SNAPC3: variants seen among roughly 807,000 people sequenced by gnomAD.
SNAPC3 encodes snRNA-activating protein complex subunit 3.
Under a neutral mutation model 47.7 loss-of-function variants are expected in SNAPC3, and 56 were observed. That is an observed-to-expected ratio of 1.18 (90% CI 0.95 to 1.47). SNAPC3 has a LOEUF of 1.47. SNAPC3 is among the 40% of genes most tolerant of loss of function. The pLI, the probability that SNAPC3 is intolerant of heterozygous loss-of-function variation, is 0.00. For synonymous variants in SNAPC3, 235 were observed against 189.9 expected (o/e 1.24, Z -1.95); for missense variants, 665 against 511.3 (o/e 1.30, Z -2.90).
chr9:15,459,312 G>A (rs895510854), intron 8 of SNAPC3, among the ~76,000 whole-genome samples: 1 of 152,102 alleles, frequency 6.6e-6, no homozygotes, highest in South Asian at 2.1e-4. Flanking sequence ...CAGTTAAGAA[G>A]GTATATTAAG....
intron 2 of SNAPC3, among the ~76,000 whole-genome samples, chr9:15,429,151 A>G (rs1442268970): frequency 6.6e-6 from 1 of 152,210 alleles, no homozygotes; most frequent in Non-Finnish European, 1.5e-5. Flanking sequence ...AAAGCATCAC[A>G]TGTTGAAAAA....
downstream of SNAPC3, chr9:15,465,705 A>G (rs551983519): frequency 4.3e-4 from 307 of 720,858 alleles, 3 homozygotes; most frequent in South Asian, 6.4e-3. Flanking sequence ...AACAAAAGAA[A>G]AACTTGACTT....
chr9:15,429,894 A>G (rs1372556508), intron 2 of SNAPC3, among the ~76,000 whole-genome samples: 1 of 152,204 alleles, frequency 6.6e-6, no homozygotes, highest in Non-Finnish European at 1.5e-5. Context: ...ATAAAGGGTT[A>G]GACCAAAGTA....
downstream of SNAPC3, chr9:15,465,376 T>C (rs2035546498): frequency 2.9e-6 from 2 of 686,122 alleles, no homozygotes; most frequent in Non-Finnish European, 4.9e-6. Flanking sequence ...TTTACTTTAC[T>C]TTAAAACAAA....
At chr9:15,428,004 G>C (rs1048136993) in intron 2 of SNAPC3, among the ~76,000 whole-genome samples, 1 of 151,580 alleles carries the variant, frequency 6.6e-6, no homozygotes. Flanking sequence ...CCAGCTACTC[G>C]GGAGGCTGAG....
At chr9:15,440,274 C>G (rs1369619508) in intron 3 of SNAPC3, among the ~76,000 whole-genome samples, 1 of 152,158 alleles carries the variant, frequency 6.6e-6, no homozygotes, top group Admixed American at 6.5e-5. Context: ...TAGCAGTATT[C>G]TTTATTTCTT....
chr9:15,435,135 T>A (rs778547006), intron 3 of SNAPC3, among the ~76,000 whole-genome samples: 3 of 152,196 alleles, frequency 2.0e-5, no homozygotes, highest in Non-Finnish European at 2.9e-5. Context: ...TATCTCATTG[T>A]GGTTTCGATT....
intron 2 of SNAPC3, among the ~76,000 whole-genome samples, chr9:15,431,036 C>G (rs1175316847): frequency 6.6e-6 from 1 of 152,174 alleles, no homozygotes; most frequent in Non-Finnish European, 1.5e-5. Context: ...AATGGAGAGA[C>G]TTCTCAGGAG....
At chr9:15,462,751 C>T (rs2035309803), downstream of SNAPC3, 1 of 152,222 alleles carries the variant, frequency 6.6e-6, no homozygotes, top group Non-Finnish European at 1.5e-5. Context: ...GGTCAGTCAT[C>T]TCTAACATTG....
chr9:15,446,002 G>T (rs2033901215), intron 4 of SNAPC3, among the ~76,000 whole-genome samples: 1 of 152,106 alleles, frequency 6.6e-6, no homozygotes, highest in African/African-American at 2.4e-5. Context: ...CCAAACCAAA[G>T]TATGAATCTG....
rs549479147 is a variant in SNAPC3 at position 15,443,434 on chromosome 9, C to T, written c.478-1168C>T. Among the ~76,000 whole-genome samples the T allele has an allele frequency of 1.6e-4, 24 of 152,060 alleles. No individual in the cohort carries two copies. In the East Asian group the frequency reaches 4.6e-3, roughly 29 times the overall value. Reference sequence around the variant, plus strand: ...ACTAGACATTCTAGGTATATTTTCTCTTGTGCATGGCTGGAGCTGCCTGTG... The same window carrying T: ...ACTAGACATTCTAGGTATATTTTCTTTTGTGCATGGCTGGAGCTGCCTGTG... On this transcript the variant is annotated intron_variant, in intron 3 of 8. Transcript: ENST00000380821.
chr9:15,459,864 TAAGA>T lies in SNAPC3; in HGVS notation c.1236_*3del. The T allele has an allele frequency of 4.3e-6, 7 of 1,611,630 alleles. No individual in the cohort carries two copies. Among genetic ancestry groups the T allele is most frequent in the Non-Finnish European group, 5.9e-6 (7 of 1,178,742 alleles). ...TTATGTTGATCCTGGAACCTTTAAT[TAAGA>T]ATAGCTACACTCACAAAAATACCCC... On this transcript the variant is annotated stop_lost and 3_prime_UTR_variant, in exon 9 of 9. Transcript: ENST00000380821.
intron 3 of SNAPC3, among the ~76,000 whole-genome samples, chr9:15,440,967 A>T (rs989412271): frequency 1.3e-5 from 2 of 149,858 alleles, no homozygotes; most frequent in African/African-American, 5.0e-5. Context: ...AAAAAAAAAA[A>T]TTGGTCAGTC....
intron 3 of SNAPC3, among the ~76,000 whole-genome samples, chr9:15,437,841 AAC>A (rs1488636746): frequency 7.2e-5 from 11 of 152,200 alleles, no homozygotes; most frequent in African/African-American, 2.7e-4. Context: ...ACAAAAATTA[AAC>A]ACATTTGACA....
chr9:15,435,925 C>T (rs2032757034), intron 3 of SNAPC3, among the ~76,000 whole-genome samples: 1 of 148,442 alleles, frequency 6.7e-6, no homozygotes. Flanking sequence ...CTCACTGCAA[C>T]CTCCATCTCC....
chr9:15,445,712 G>T (rs919285363), intron 4 of SNAPC3, among the ~76,000 whole-genome samples: 1 of 152,150 alleles, frequency 6.6e-6, no homozygotes, highest in Admixed American at 6.5e-5. Flanking sequence ...CCTTTGGAAG[G>T]CTGAGGTGGG....
At chr9:15,424,445 C>T (rs1446850273) in intron 2 of SNAPC3, among the ~76,000 whole-genome samples, 1 of 152,138 alleles carries the variant, frequency 6.6e-6, no homozygotes, top group Non-Finnish European at 1.5e-5. Context: ...TGGTAAAGGA[C>T]AGTTCTTGTT....
chr9:15,425,893 C>T lies in SNAPC3; in HGVS notation c.392+1907C>T, dbSNP rs146767421. Reference sequence around the variant, plus strand: ...GTTTTGTTTTTGAGATGGAATTTCACTCTTGTTGCCCAGGCCTGAGTGCAA... The same window carrying T: ...GTTTTGTTTTTGAGATGGAATTTCATTCTTGTTGCCCAGGCCTGAGTGCAA... On this transcript the variant is annotated intron_variant, in intron 2 of 8. Coordinates refer to ENST00000380821, the MANE Select transcript of SNAPC3 (RefSeq NM_001039697.2). Among the ~76,000 whole-genome samples the T allele has an allele frequency of 1.2e-3, 184 of 152,302 alleles. 2 individuals carry two copies. Among genetic ancestry groups the T allele is most frequent in the African/African-American group, 4.1e-3 (170 of 41,556 alleles).
chr9:15,445,164 C>G (rs975931156), intron 4 of SNAPC3, among the ~76,000 whole-genome samples: 3 of 152,164 alleles, frequency 2.0e-5, no homozygotes, highest in Non-Finnish European at 2.9e-5. Context: ...CTTGTGCCAT[C>G]TGTTCTAATA....
Sources: allele counts gnomAD v4.1 joint callset (sites outside exome capture counted in the v4.1 genomes callset), GRCh38; gene constraint gnomAD v4.1.1; transcripts MANE v1.5; gene names NCBI Gene and HGNC (gene_info 2026-07-23, HGNC 2026-07-21).